Variants in SLC41A2 observed in about 807,000 individuals in gnomAD.
The protein encoded by SLC41A2 is solute carrier family 41 member 2.
Under a neutral mutation model 58.3 loss-of-function variants are expected in SLC41A2, and 32 were observed. That is an observed-to-expected ratio of 0.55 (90% CI 0.41 to 0.74). SLC41A2 has a LOEUF of 0.74. SLC41A2 is among the 30% of genes least tolerant of loss of function. The pLI, the probability that SLC41A2 is intolerant of heterozygous loss-of-function variation, is 0.00. For synonymous variants in SLC41A2, 190 were observed against 235.0 expected (o/e 0.81, Z 1.75); for missense variants, 514 against 680.6 (o/e 0.76, Z 2.72).
At chr12:104,876,447 T>C (rs991259671) in intron 6 of SLC41A2, among the ~76,000 whole-genome samples, 8 of 152,320 alleles carry the variant, frequency 5.3e-5, no homozygotes, top group Admixed American at 5.2e-4. Context: ...GGTTTTGGTA[T>C]GTTGTGTTTC....
At chr12:104,851,562 A>T (rs990468016) in intron 8 of SLC41A2, among the ~76,000 whole-genome samples, 39 of 151,636 alleles carry the variant, frequency 2.6e-4, no homozygotes, top group African/African-American at 9.2e-4. Context: ...TTTAAAAAAA[A>T]TTTTTTTTAG....
At chr12:104,818,616 T>C (rs1351474084) in intron 10 of SLC41A2, among the ~76,000 whole-genome samples, 2 of 152,156 alleles carry the variant, frequency 1.3e-5, no homozygotes, top group South Asian at 2.1e-4. Flanking sequence ...CGGTGGCTCA[T>C]ACCTGTAAGC....
At chr12:104,842,440 T>C (rs2042447141) in intron 10 of SLC41A2, among the ~76,000 whole-genome samples, 1 of 152,124 alleles carries the variant, frequency 6.6e-6, no homozygotes, top group Non-Finnish European at 1.5e-5. Flanking sequence ...GAAAATTCAA[T>C]CAACAGTATA....
Position 104,819,477 on chromosome 12 carries a change from T to C in SLC41A2, c.1537-14140A>G, listed in dbSNP as rs1003965541. On this transcript the variant is annotated intron_variant, in intron 10 of 10. Coordinates refer to ENST00000258538, the MANE Select transcript of SLC41A2 (RefSeq NM_001352171.3). The stretch of plus-strand genomic sequence containing the variant: ...ATAAACCTAAGGTAGAATGAAAAAA[T>C]ATTAAAGGTACGTACAAACATTAAT... Among the ~76,000 whole-genome samples the C allele has an allele frequency of 3.3e-5, 5 of 152,110 alleles. No individual in the cohort carries two copies. In the East Asian group the frequency reaches 7.7e-4, roughly 23 times the overall value.
intron 9 of SLC41A2, among the ~76,000 whole-genome samples, chr12:104,845,430 CA>C (rs1212830641): frequency 6.6e-6 from 1 of 152,050 alleles, no homozygotes; most frequent in Admixed American, 6.6e-5. Flanking sequence ...TTTTCATAGC[CA>C]CATAAATAAT....
At chr12:104,839,702 A>G (rs1194754011) in intron 10 of SLC41A2, among the ~76,000 whole-genome samples, 1 of 151,818 alleles carries the variant, frequency 6.6e-6, no homozygotes, top group African/African-American at 2.4e-5. Context: ...ATGGTGTTTC[A>G]CCATGTTGGT....
chr12:104,954,721 A>C (rs1171897833), intron 1 of SLC41A2, among the ~76,000 whole-genome samples: 2 of 152,228 alleles, frequency 1.3e-5, no homozygotes, highest in African/African-American at 4.8e-5. Flanking sequence ...GGGTTAATTC[A>C]TATATCCATC....
intron 10 of SLC41A2, among the ~76,000 whole-genome samples, chr12:104,820,937 G>A (rs1359716565): frequency 2.0e-5 from 3 of 148,400 alleles, no homozygotes; most frequent in Non-Finnish European, 1.5e-5. Context: ...GAGCCACTGT[G>A]CCCCGCCTAA....
At chr12:104,812,746 G>T (rs1405973535) in intron 10 of SLC41A2, among the ~76,000 whole-genome samples, 2 of 152,034 alleles carry the variant, frequency 1.3e-5, no homozygotes, top group Non-Finnish European at 2.9e-5. Flanking sequence ...CAGGAAGGTG[G>T]AATGCTCTGG....
intron 2 of SLC41A2, among the ~76,000 whole-genome samples, chr12:104,915,041 T>C (rs1031272244): frequency 2.6e-5 from 4 of 152,244 alleles, no homozygotes; most frequent in African/African-American, 9.6e-5. Flanking sequence ...TGACTTCTTG[T>C]CATACCTAAC....
chr12:104,832,177 C>T (rs1363116166), intron 10 of SLC41A2, among the ~76,000 whole-genome samples: 2 of 152,208 alleles, frequency 1.3e-5, no homozygotes, highest in African/African-American at 4.8e-5. Flanking sequence ...GTTGACTACA[C>T]AAAGCAGACA....
At chr12:104,836,037 T>C (rs1052942711) in intron 10 of SLC41A2, among the ~76,000 whole-genome samples, 15 of 152,226 alleles carry the variant, frequency 9.9e-5, no homozygotes, top group African/African-American at 3.6e-4. Context: ...AGAGATGGGG[T>C]TTCACCATGT....
chr12:104,852,019 T>G (rs1311672806), intron 8 of SLC41A2: 1 of 152,244 alleles, frequency 6.6e-6, no homozygotes, highest in Non-Finnish European at 1.5e-5. Flanking sequence ...CTTATACCTC[T>G]AAGTGAAGGT....
In SLC41A2 at chr12:104,932,624, C is replaced by CAAAAAAAAAAAAAAAA. The variant is rs544329617; in HGVS notation, c.-167-3946_-167-3931dup. ...TGGGTGACGCAGTGAGACTTTGTCTCAAAAAAAAAAAAAAAAAAAAAAGAT... is the reference window on the plus strand; with the variant it reads ...TGGGTGACGCAGTGAGACTTTGTCTCAAAAAAAAAAAAAAAAAAAAAAAAAAAAAAAAAAAAAAGAT... On this transcript the variant is annotated intron_variant, in intron 1 of 10. Transcript: ENST00000258538. Among the ~76,000 whole-genome samples, 152 of 46,040 alleles carry CAAAAAAAAAAAAAAAA rather than the reference C, an allele frequency of 3.3e-3. 2 individuals are homozygous for CAAAAAAAAAAAAAAAA. The highest frequency in any genetic ancestry group is 6.4e-3 in the East Asian group (10 of 1,566). 30.2% of individuals were successfully genotyped at this position (46,040 alleles called of 152,430 possible).
chr12:104,829,718 C>T (rs1454662708), intron 10 of SLC41A2, among the ~76,000 whole-genome samples: 1 of 151,998 alleles, frequency 6.6e-6, no homozygotes, highest in South Asian at 2.1e-4. Context: ...AAGCAACAGC[C>T]TTTAGCCAGG....
chr12:104,940,621 A>C (rs571585666), intron 1 of SLC41A2, among the ~76,000 whole-genome samples: 2 of 150,934 alleles, frequency 1.3e-5, no homozygotes, highest in South Asian at 4.2e-4. Flanking sequence ...GCTAAAATAC[A>C]TAAAGTTAGC....
chr12:104,868,050 AATTT>A (rs1202351706), intron 6 of SLC41A2, among the ~76,000 whole-genome samples: 1 of 151,894 alleles, frequency 6.6e-6, no homozygotes, highest in East Asian at 1.9e-4. Context: ...ATACTAATAA[AATTT>A]ATTTTTATAT....
chr12:104,958,327 C>T (rs937593535), upstream of SLC41A2: 1 of 148,536 alleles, frequency 6.7e-6, no homozygotes, highest in Non-Finnish European at 1.5e-5. Context: ...CCTGACTCCC[C>T]GCCGCCCCGC....
At chr12:104,918,167 G>A (rs772297623) in intron 2 of SLC41A2, among the ~76,000 whole-genome samples, 12 of 151,876 alleles carry the variant, frequency 7.9e-5, no homozygotes, top group Non-Finnish European at 1.5e-4. Context: ...AAGAGTATAA[G>A]GACATAGGCA....
Sources: allele counts gnomAD v4.1 joint callset (sites outside exome capture counted in the v4.1 genomes callset), GRCh38; gene constraint gnomAD v4.1.1; transcripts MANE v1.5; gene names NCBI Gene and HGNC (gene_info 2026-07-23, HGNC 2026-07-21).